ZFPM2: variants seen among roughly 807,000 people sequenced by gnomAD.
The protein encoded by ZFPM2 is zinc finger protein ZFPM2.
A neutral mutation model predicts 98.6 loss-of-function variants in ZFPM2; 20 were observed. The ratio of observed to expected loss-of-function variants is 0.20; its 90% CI spans 0.14 to 0.29. ZFPM2 has a LOEUF of 0.29. Among genes scored for constraint, ZFPM2 ranks in the 10% least tolerant of loss-of-function variants. The pLI is 1.00. For missense variants in ZFPM2, 1,310 were observed against 1,388.6 expected (o/e 0.94, Z 0.90); for synonymous variants, 518 against 502.7 (o/e 1.03, Z -0.41).
intron 3 of ZFPM2, among the ~76,000 whole-genome samples, chr8:105,552,257 T>C (rs577588770): frequency 1.6e-4 from 24 of 152,294 alleles, no homozygotes; most frequent in African/African-American, 5.8e-4. Context: ...CTCCAGCTGG[T>C]AGACTGACTT....
intron 3 of ZFPM2, among the ~76,000 whole-genome samples, chr8:105,531,677 C>G (rs1184600908): frequency 6.6e-6 from 1 of 152,102 alleles, no homozygotes; most frequent in East Asian, 1.9e-4. Context: ...AAAATACTTT[C>G]AGAATCATTT....
intron 1 of ZFPM2, among the ~76,000 whole-genome samples, chr8:105,390,974 T>C (rs773969081): frequency 4.6e-5 from 7 of 152,084 alleles, no homozygotes; most frequent in Non-Finnish European, 8.8e-5. Flanking sequence ...AAAATGCATA[T>C]CTAGGGTTTA....
chr8:105,365,966 C>T (rs1459604852), intron 1 of ZFPM2, among the ~76,000 whole-genome samples: 2 of 152,142 alleles, frequency 1.3e-5, no homozygotes, highest in Admixed American at 6.6e-5. Flanking sequence ...GAGAAAATTT[C>T]AGCCTCTGTT....
At chr8:105,620,930 T>G (rs778767278) in intron 4 of ZFPM2, among the ~76,000 whole-genome samples, 33 of 152,352 alleles carry the variant, frequency 2.2e-4, no homozygotes, top group African/African-American at 7.9e-4. Context: ...TTTTGGTCGC[T>G]GTAGCCTCGT....
chr8:105,512,158 A>G (rs1260198359), intron 3 of ZFPM2, among the ~76,000 whole-genome samples: 2 of 152,218 alleles, frequency 1.3e-5, no homozygotes. Context: ...AAAAGAAGGC[A>G]CAACAAATGT....
intron 5 of ZFPM2, among the ~76,000 whole-genome samples, chr8:105,718,675 A>C (rs1272851726): frequency 6.6e-6 from 1 of 151,918 alleles, no homozygotes; most frequent in African/African-American, 2.4e-5. Flanking sequence ...AAACACATAC[A>C]GTGGAATTAC....
At position 105,545,889 on chromosome 8, in the gene ZFPM2, G is replaced by A. The variant is rs116774161; in HGVS notation, c.302-15474G>A. ...TGCATTCCTTATTTTCTCCTTTCTG[G>A]AACTCTATAATATCAGGATAATGTC... is the stretch of plus-strand genomic sequence containing the variant. On this transcript the variant is annotated intron_variant, in intron 3 of 7. Coordinates refer to ENST00000407775, the MANE Select transcript of ZFPM2 (RefSeq NM_012082.4). Among the ~76,000 whole-genome samples the A allele has an allele frequency of 3.5e-3, 526 of 152,152 alleles. 4 individuals carry two copies. Among genetic ancestry groups the A allele is most frequent in the African/African-American group, 0.012 (495 of 41,520 alleles).
At chr8:105,420,016 G>T (rs1363486000) in intron 2 of ZFPM2, among the ~76,000 whole-genome samples, 1 of 151,980 alleles carries the variant, frequency 6.6e-6, no homozygotes, top group Non-Finnish European at 1.5e-5. Flanking sequence ...ATTTTTATCA[G>T]ATTGTTTTGC....
At chr8:105,580,091 C>T (rs1337420680) in intron 4 of ZFPM2, among the ~76,000 whole-genome samples, 2 of 152,088 alleles carry the variant, frequency 1.3e-5, no homozygotes, top group East Asian at 1.9e-4. Context: ...ATATCCTTCC[C>T]GAAAGATTAG....
chr8:105,504,293 G>A (rs1222871532), intron 3 of ZFPM2, among the ~76,000 whole-genome samples: 2 of 152,176 alleles, frequency 1.3e-5, no homozygotes, highest in Non-Finnish European at 2.9e-5. Context: ...ATAAGCAGCA[G>A]CAGGAGCAGA....
intron 4 of ZFPM2, among the ~76,000 whole-genome samples, chr8:105,616,885 G>A (rs1443024671): frequency 6.6e-6 from 1 of 151,246 alleles, no homozygotes; most frequent in African/African-American, 2.4e-5. Flanking sequence ...GGGTGTGGTG[G>A]TGCACATCTG....
chr8:105,616,085 T>C (rs1358457456), intron 4 of ZFPM2, among the ~76,000 whole-genome samples: 2 of 152,160 alleles, frequency 1.3e-5, no homozygotes, highest in African/African-American at 2.4e-5. Flanking sequence ...TCTGAAATGT[T>C]TATACTAGAT....
chr8:105,557,320 G>C (rs1815021003), intron 3 of ZFPM2, among the ~76,000 whole-genome samples: 1 of 152,128 alleles, frequency 6.6e-6, no homozygotes, highest in Non-Finnish European at 1.5e-5. Context: ...CTTGCTTCTA[G>C]TTAAGACCTT....
At chr8:105,504,502 T>C (rs1356715559) in intron 3 of ZFPM2, among the ~76,000 whole-genome samples, 2 of 152,150 alleles carry the variant, frequency 1.3e-5, no homozygotes, top group Non-Finnish European at 2.9e-5. Flanking sequence ...CCTTCTTAAA[T>C]TGGATGTCAT....
intron 5 of ZFPM2, among the ~76,000 whole-genome samples, chr8:105,723,577 A>C (rs1811724539): frequency 6.6e-6 from 1 of 151,892 alleles, no homozygotes; most frequent in African/African-American, 2.4e-5. Context: ...TCCTGACATC[A>C]GGGACAAAGC....
At chr8:105,781,556 A>G (rs1413500296) in intron 5 of ZFPM2, among the ~76,000 whole-genome samples, 2 of 152,052 alleles carry the variant, frequency 1.3e-5, no homozygotes, top group African/African-American at 4.8e-5. Context: ...CCCCATCTCT[A>G]CTAAAAATAC....
chr8:105,500,724 A>AT (rs1483165104), intron 3 of ZFPM2, among the ~76,000 whole-genome samples: 3 of 152,256 alleles, frequency 2.0e-5, no homozygotes, highest in South Asian at 2.1e-4. Context: ...GTTGTTTTAA[A>AT]TTTTTTTGTC....
At chr8:105,653,315 C>A (rs530362991) in intron 5 of ZFPM2, among the ~76,000 whole-genome samples, 4 of 152,150 alleles carry the variant, frequency 2.6e-5, no homozygotes, top group African/African-American at 9.6e-5. Flanking sequence ...GTGGGGTGTT[C>A]TTTAAGTCAT....
chr8:105,324,511 T>G (rs1812082535), intron 1 of ZFPM2, among the ~76,000 whole-genome samples: 1 of 151,848 alleles, frequency 6.6e-6, no homozygotes, highest in Non-Finnish European at 1.5e-5. Context: ...GCCATTTCAC[T>G]ATTAGTTGTT....
Sources: gnomAD v4.1 joint callset for allele counts (sites outside exome capture counted in the v4.1 genomes callset) on GRCh38, gnomAD v4.1.1 for gene constraint, MANE v1.5 for transcripts, NCBI Gene and HGNC (gene_info 2026-07-23, HGNC 2026-07-21) for gene names.